TMEM272: variants seen among roughly 807,000 people sequenced by gnomAD.
TMEM272 encodes long intergenic non-protein coding RNA 282.
A neutral mutation model predicts 3.7 loss-of-function variants in TMEM272; 8 were observed. That is an observed-to-expected ratio of 2.17 (90% CI 1.27 to 3.91). The LOEUF (loss-of-function observed/expected upper bound fraction) is 3.91, where lower values mean the gene tolerates loss of function less well. Ranked by LOEUF, TMEM272 falls within the 30% of genes most tolerant of loss-of-function variation. The pLI is 0.00. For synonymous variants in TMEM272, 63 were observed against 39.8 expected (o/e 1.58, Z -2.20); for missense variants, 166 against 91.5 (o/e 1.81, Z -3.32).
At chr13:51,902,426 C>T in the TMEM272 span, among the ~76,000 whole-genome samples, 1 of 152,220 alleles carries the variant, frequency 6.6e-6, no homozygotes, top group African/African-American at 2.4e-5. Context: ...TGTTCAGCCT[C>T]TCAATGTCTA....
chr13:51,928,862 C>A, the TMEM272 span, among the ~76,000 whole-genome samples: 1 of 152,046 alleles, frequency 6.6e-6, no homozygotes, highest in Non-Finnish European at 1.5e-5. Flanking sequence ...ATACTGTGAG[C>A]CCTTTAAAAA....
At chr13:51,916,254 C>T in the TMEM272 span, among the ~76,000 whole-genome samples, 1 of 152,082 alleles carries the variant, frequency 6.6e-6, no homozygotes, top group Non-Finnish European at 1.5e-5. Flanking sequence ...GAGCCCCTTC[C>T]TGTGCATTAC....
the TMEM272 span, among the ~76,000 whole-genome samples, chr13:51,890,669 T>C: frequency 4.6e-5 from 7 of 152,214 alleles, no homozygotes; most frequent in Non-Finnish European, 7.3e-5. Flanking sequence ...AAATGAAATG[T>C]ACGGGAGGCT....
upstream of TMEM272, among the ~76,000 whole-genome samples, chr13:51,845,528 T>G (rs1203208274): frequency 6.6e-6 from 1 of 151,440 alleles, no homozygotes; most frequent in Non-Finnish European, 1.5e-5. Flanking sequence ...TAATGAGAGG[T>G]GCCCTATGGA....
At chr13:51,914,821 T>C in the TMEM272 span, among the ~76,000 whole-genome samples, 1 of 152,100 alleles carries the variant, frequency 6.6e-6, no homozygotes, top group Admixed American at 6.6e-5. Context: ...CATGTTAGAG[T>C]CCAAGATGCC....
At chr13:51,869,506 T>TTTC in the TMEM272 span, among the ~76,000 whole-genome samples, 2 of 151,288 alleles carry the variant, frequency 1.3e-5, no homozygotes, top group African/African-American at 4.9e-5. Context: ...TTTTTTTTTT[T>TTTC]TGAGATGGAG....
chr13:51,822,345 G>A (rs776353353), intron 3 of TMEM272, among the ~76,000 whole-genome samples: 1 of 152,114 alleles, frequency 6.6e-6, no homozygotes, highest in African/African-American at 2.4e-5. Context: ...GCGGAGTGGC[G>A]ATAAATACTC....
Position 51,815,279 on chromosome 13 carries a change from G to A in TMEM272, c.*1472C>T. On this transcript the variant is annotated 3_prime_UTR_variant, in exon 5 of 5. Coordinates refer to ENST00000629372, the MANE Select transcript of TMEM272 (RefSeq NM_001351003.2). ...TAGGGACAGGGGCAAAAAAAGGGCT[G>A]TTCTTCCTTTGTCCAGCAGATGGCA... is the stretch of plus-strand genomic sequence containing the variant. The A allele has an allele frequency of 6.5e-6, 1 of 152,810 alleles. No homozygotes were observed. Among genetic ancestry groups the A allele is most frequent in the Non-Finnish European group, 1.5e-5 (1 of 68,072 alleles). The allele number at this position is 152,810 out of a possible 1,614,324, so 9.5% of individuals were successfully genotyped here. A position where few individuals can be genotyped will look rare whatever the true frequency, so the allele number is the denominator to read the frequency against.
chr13:51,909,695 T>G, the TMEM272 span: 1 of 1,555,484 alleles, frequency 6.4e-7, no homozygotes. Context: ...AAGCTCCTTT[T>G]GGAGGATTAT....
At chr13:51,865,013 G>A in the TMEM272 span, among the ~76,000 whole-genome samples, 8 of 152,114 alleles carry the variant, frequency 5.3e-5, no homozygotes, top group East Asian at 1.9e-4. Context: ...AAATTCATTC[G>A]GATTGATTTA....
the TMEM272 span, among the ~76,000 whole-genome samples, chr13:51,887,599 G>C: frequency 6.6e-6 from 1 of 152,206 alleles, no homozygotes; most frequent in East Asian, 1.9e-4. Context: ...CCTTGGCTTT[G>C]AGCTTGCTCC....
At chr13:51,905,008 C>T in the TMEM272 span, among the ~76,000 whole-genome samples, 1 of 152,156 alleles carries the variant, frequency 6.6e-6, no homozygotes, top group East Asian at 1.9e-4. Flanking sequence ...GCCCTCCAAC[C>T]ACTTGACGCC....
At position 51,838,502 on chromosome 13, in the gene TMEM272, T is replaced by C. The variant is rs1200533587; in HGVS notation, c.29A>G (p.His10Arg). 1 of 703,048 alleles carries C rather than the reference T, an allele frequency of 1.4e-6. No individual in the cohort carries two copies. Among genetic ancestry groups the C allele is most frequent in the East Asian group, 2.7e-5 (1 of 37,296 alleles). The allele number at this position is 703,048 out of a possible 1,614,324, so 43.6% of individuals were successfully genotyped here. A position where few individuals can be genotyped will look rare whatever the true frequency, so the allele number is the denominator to read the frequency against. The change falls in exon 2 of 5, where the codon CAT becomes CGT. Residue 10 changes from histidine (H) to arginine (R), a missense_variant. Coordinates refer to ENST00000629372, the MANE Select transcript of TMEM272 (RefSeq NM_001351003.2). Reference sequence around the variant, plus strand: ...GCTGGCGATTTTAGAAATGCACTGATGACACGTTTTCTCCAGACCTCCTGG... The same window carrying C: ...GCTGGCGATTTTAGAAATGCACTGACGACACGTTTTCTCCAGACCTCCTGG... MPGGLEKTC[H>R]QCISKIASNA...
the TMEM272 span, among the ~76,000 whole-genome samples, chr13:51,880,696 T>A: frequency 6.6e-6 from 1 of 152,214 alleles, no homozygotes; most frequent in South Asian, 2.1e-4. Flanking sequence ...AAGACTATTT[T>A]TTTCCATTGG....
the TMEM272 span, among the ~76,000 whole-genome samples, chr13:51,888,629 TTTTC>T: frequency 2.9e-5 from 4 of 137,922 alleles, no homozygotes; most frequent in East Asian, 2.2e-4. Context: ...CCTTTTTCTT[TTTTC>T]TTTTTCTTTT....
chr13:51,827,894 T>TAG (rs1956141277), intron 2 of TMEM272, among the ~76,000 whole-genome samples: 5 of 152,150 alleles, frequency 3.3e-5, no homozygotes, highest in Non-Finnish European at 7.3e-5. Context: ...TATTGGGAGA[T>TAG]TTACTGAGAG....
At chr13:51,908,674 C>T in the TMEM272 span, 3 of 1,476,860 alleles carry the variant, frequency 2.0e-6, no homozygotes, top group Non-Finnish European at 2.8e-6. Flanking sequence ...GGCATTGACC[C>T]ATCCATTTTA....
chr13:51,817,913 G>A (rs1042212426), intron 4 of TMEM272, among the ~76,000 whole-genome samples: 7 of 152,120 alleles, frequency 4.6e-5, no homozygotes, highest in African/African-American at 1.7e-4. Context: ...GACTCTAACT[G>A]GCCACAAATG....
chr13:51,908,589 G>A, the TMEM272 span: 6 of 1,512,394 alleles, frequency 4.0e-6, no homozygotes, highest in Admixed American at 1.7e-5. Context: ...ATTTCCAGCA[G>A]GGAGAGATGA....
Sources: gnomAD v4.1 joint callset for allele counts (sites outside exome capture counted in the v4.1 genomes callset) on GRCh38, gnomAD v4.1.1 for gene constraint, MANE v1.5 for transcripts, NCBI Gene and HGNC (gene_info 2026-07-23, HGNC 2026-07-21) for gene names.